Variants in COPS2 observed in about 807,000 individuals in gnomAD.
The protein encoded by COPS2 is COP9 signalosome complex subunit 2.
COPS2 carries 10 observed loss-of-function variants against 66.1 expected under a neutral mutation model. The ratio of observed to expected loss-of-function variants is 0.15; its 90% CI spans 0.09 to 0.26. COPS2 has a LOEUF of 0.26. Among genes scored for constraint, COPS2 ranks in the 10% least tolerant of loss-of-function variants. The pLI is 1.00. For missense variants in COPS2, 215 were observed against 513.3 expected (o/e 0.42, Z 5.62); for synonymous variants, 179 against 171.3 (o/e 1.04, Z -0.35).
chr15:49,129,666 G>C (rs2141122175), intron 10 of COPS2, 107 bp from the exon 11 acceptor site: 1 of 505,862 alleles, frequency 2.0e-6, no homozygotes, highest in Middle Eastern at 3.1e-4. Flanking sequence ...CTTCCTGCTT[G>C]GCAATGATAT....
At chr15:49,139,411 A>G (rs560671193) in intron 4 of COPS2, 117 bp downstream of exon 4, 14 of 787,112 alleles carry the variant, frequency 1.8e-5, no homozygotes, top group Non-Finnish European at 2.7e-5. Context: ...AAGCATACTA[A>G]TAACTAGCAC....
intron 11 of COPS2, 149 bp from the exon 12 acceptor site, chr15:49,128,909 A>G (rs1016467645): frequency 1.1e-5 from 6 of 549,468 alleles, no homozygotes; most frequent in East Asian, 3.2e-5. Flanking sequence ...ACTTCAAAAT[A>G]TATCCGAGAA....
At chr15:49,144,831 G>C in intron 2 of COPS2, 134 bp downstream of exon 2, 1 of 535,866 alleles carries the variant, frequency 1.9e-6, no homozygotes, top group Non-Finnish European at 3.2e-6. Flanking sequence ...ACTTGCTTGT[G>C]CTGCCTAATG....
intron 2 of COPS2, 96 bp downstream of exon 2, chr15:49,144,869 A>G (rs766402129): frequency 2.5e-5 from 17 of 675,724 alleles, no homozygotes; most frequent in Non-Finnish European, 4.0e-5. Context: ...TAAGTATTCA[A>G]AACACATTTC....
intron 1 of COPS2, among the ~76,000 whole-genome samples, chr15:49,147,636 G>A (rs1220956817): frequency 1.3e-5 from 2 of 149,792 alleles, no homozygotes; most frequent in African/African-American, 4.9e-5. Context: ...ATTCAGTCAC[G>A]GAATACTTAT....
intron 4 of COPS2, 85 bp downstream of exon 4, chr15:49,139,443 A>T: frequency 9.5e-7 from 1 of 1,052,646 alleles, no homozygotes; most frequent in Non-Finnish European, 1.4e-6. Context: ...TAGAAGCTCT[A>T]GGCCTTTCCA....
At chr15:49,130,842 A>G in intron 9 of COPS2, 26 bp from the exon 10 acceptor site, 2 of 1,239,966 alleles carry the variant, frequency 1.6e-6, no homozygotes, top group Non-Finnish European at 2.4e-6. Flanking sequence ...AGTGTAAATT[A>G]TGTCAAACAT....
In COPS2 at chr15:49,133,763, C is replaced by T. The variant is rs757068018; in HGVS notation, c.943G>A (p.Val315Ile). The T allele has an allele frequency of 4.4e-6, 7 of 1,599,220 alleles. No homozygotes were observed. ...AACTGAAATACAAAATCTTACCTTACTAAATTCGTCATTGCTAAAATTTCT... is the reference window on the plus strand; with the variant it reads ...AACTGAAATACAAAATCTTACCTTATTAAATTCGTCATTGCTAAAATTTCT... ...DPEILAMTNL[V>I]SAYQNNDITE... is the part of the protein sequence containing the mutation. Residue 315 changes from valine to isoleucine, a missense_variant, in exon 9 of 13, where the codon GTA (valine) becomes ATA (isoleucine). By Grantham distance (29) the Val-to-Ile change is conservative. Around this residue, in one of 5 missense-constraint regions of COPS2, gnomAD observed 56 missense variants for 173.6 expected, o/e 0.32. Coordinates refer to ENST00000388901, the MANE Select transcript of COPS2 (RefSeq NM_004236.4).
chr15:49,132,298 G>A (rs1018505125), intron 9 of COPS2, among the ~76,000 whole-genome samples: 4 of 151,180 alleles, frequency 2.6e-5, no homozygotes, highest in African/African-American at 9.7e-5. Context: ...CTGATTTAAT[G>A]TGGTAACTTA....
intron 9 of COPS2, among the ~76,000 whole-genome samples, chr15:49,132,107 TAG>T (rs2084214259): frequency 6.6e-6 from 1 of 152,182 alleles, no homozygotes; most frequent in East Asian, 1.9e-4. Flanking sequence ...CAATATTTCT[TAG>T]AGTTTTAAAA....
At chr15:49,151,467 A>G (rs930931404) in intron 1 of COPS2, among the ~76,000 whole-genome samples, 111 of 152,268 alleles carry the variant, frequency 7.3e-4, no homozygotes, top group African/African-American at 2.4e-3. Context: ...ACTAAAGACT[A>G]ATTTTTGGAA....
chr15:49,134,029 A>G lies in COPS2; in HGVS notation c.795T>C (p.Tyr265=). ...TTCGTCTTGGACTTCCAGATTCATC[A>G]TAATTCTTGAAGGCTTCAAAAAAAT... ...HTDFFEAFKN[Y]DESGSPRRTT... The change falls in exon 8 of 13, where the codon TAT becomes TAC. Residue 265 remains tyrosine, a synonymous_variant. Coordinates refer to ENST00000388901, the MANE Select transcript of COPS2 (RefSeq NM_004236.4). 6.2e-7 allele frequency: 1 copy of G among 1,614,012 alleles called. No homozygotes were observed.
chr15:49,143,540 G>T (rs139818317), intron 3 of COPS2, among the ~76,000 whole-genome samples: 2,895 of 152,202 alleles, frequency 0.019, 47 homozygotes, highest in Middle Eastern at 0.031. Flanking sequence ...TTTGCCAATG[G>T]ATTATTTGTG....
intron 1 of COPS2, among the ~76,000 whole-genome samples, chr15:49,151,352 A>C (rs560497837): frequency 1.3e-4 from 20 of 151,684 alleles, no homozygotes; most frequent in Admixed American, 5.3e-4. Context: ...GTGAGCCGAG[A>C]TCATGCCACT....
intron 9 of COPS2, among the ~76,000 whole-genome samples, chr15:49,132,752 G>C (rs2084221226): frequency 2.0e-5 from 3 of 151,886 alleles, no homozygotes; most frequent in African/African-American, 7.3e-5. Flanking sequence ...ATGCCTGGAG[G>C]AAAGTTTCTC....
chr15:49,137,283 A>C (rs1223725193), intron 5 of COPS2, 56 bp from the exon 6 acceptor site: 1 of 1,532,914 alleles, frequency 6.5e-7, no homozygotes, highest in Non-Finnish European at 9.0e-7. Context: ...GTGCATCTTT[A>C]GGAGACTTTA....
At chr15:49,139,679 C>T (rs2084277379) in intron 3 of COPS2, 26 bp from the exon 4 acceptor site, 1 of 1,554,168 alleles carries the variant, frequency 6.4e-7, no homozygotes, top group Admixed American at 2.0e-5. Context: ...AATGAATTAT[C>T]AGATGCAAAT....
At chr15:49,141,477 C>G (rs1414287873) in intron 3 of COPS2, among the ~76,000 whole-genome samples, 1 of 151,876 alleles carries the variant, frequency 6.6e-6, no homozygotes, top group African/African-American at 2.4e-5. Context: ...GCACTCCAGC[C>G]TGGGCAACAG....
At chr15:49,153,777 G>A (rs1304675792) in intron 1 of COPS2, among the ~76,000 whole-genome samples, 1 of 152,130 alleles carries the variant, frequency 6.6e-6, no homozygotes, top group Non-Finnish European at 1.5e-5. Flanking sequence ...AGTGAAATAA[G>A]CCAGGCACAG....
Sources: allele counts gnomAD v4.1 joint callset (sites outside exome capture counted in the v4.1 genomes callset), GRCh38; gene constraint gnomAD v4.1.1; regional missense constraint gnomAD v4.1.1; transcripts MANE v1.5; gene names NCBI Gene and HGNC (gene_info 2026-07-23, HGNC 2026-07-21).